The following ADAMTS19 variants were observed in gnomAD, a reference collection of about 807,000 sequenced individuals.
The protein encoded by ADAMTS19 is ADAM metallopeptidase with thrombospondin type 1 motif 19, also known as A disintegrin and metalloproteinase with thrombospondin motifs 19.
ADAMTS19 carries 93 observed loss-of-function variants against 153.3 expected under a neutral mutation model. That is an observed-to-expected ratio of 0.61 (90% CI 0.51 to 0.72). The LOEUF is 0.72. Among genes scored for constraint, ADAMTS19 ranks in the 30% least tolerant of loss-of-function variants. The pLI, the probability that ADAMTS19 is intolerant of heterozygous loss-of-function variation, is 0.00. For synonymous variants in ADAMTS19, 600 were observed against 556.6 expected, an observed-to-expected ratio of 1.08 and a Z score of -1.10; for missense variants, 1,482 against 1,552.1, an observed-to-expected ratio of 0.95 and a Z score of 0.76.
chr5:129,496,515 C>G (rs1386318708), intron 2 of ADAMTS19, among the ~76,000 whole-genome samples: 1 of 152,048 alleles, frequency 6.6e-6, no homozygotes, highest in East Asian at 1.9e-4. Flanking sequence ...CTCCACTAAT[C>G]TTGTTTCCAT....
At chr5:129,614,355 T>A (rs1475244574) in intron 8 of ADAMTS19, among the ~76,000 whole-genome samples, 3 of 152,112 alleles carry the variant, frequency 2.0e-5, no homozygotes, top group Non-Finnish European at 4.4e-5. Context: ...GTGGGCTTCA[T>A]CCCTGGGATG....
At position 129,549,844 on chromosome 5, in the gene ADAMTS19, ATATATACATATACAT is replaced by A. The variant is rs1298014674; in HGVS notation, c.1329-2019_1329-2005del. ...TATCCGTATATGTATATATGTATCTATATATACATATACATGTATCCGTATATGTATATATGTATC... is the reference window on the plus strand; with the variant it reads ...TATCCGTATATGTATATATGTATCTAGTATCCGTATATGTATATATGTATC... On this transcript the variant is annotated intron_variant, in intron 6 of 22. Coordinates refer to ENST00000274487, the MANE Select transcript of ADAMTS19 (RefSeq NM_133638.6). Among the ~76,000 whole-genome samples, 95 of 131,788 alleles carry A rather than the reference ATATATACATATACAT, an allele frequency of 7.2e-4. 2 individuals carry two copies. Among genetic ancestry groups the A allele is most frequent in the African/African-American group, 1.2e-3 (37 of 31,834 alleles). The allele number at this position is 131,788 out of a possible 152,430, so 86.5% of individuals were successfully genotyped here. A position where few individuals can be genotyped will look rare whatever the true frequency, so the allele number is the denominator to read the frequency against.
chr5:129,685,783 G>A (rs974977487), intron 18 of ADAMTS19, among the ~76,000 whole-genome samples: 2 of 152,156 alleles, frequency 1.3e-5, no homozygotes, highest in African/African-American at 2.4e-5. Flanking sequence ...GTTTGCCAAT[G>A]TGCATTTTTA....
At chr5:129,696,613 G>A (rs1429849469) in intron 19 of ADAMTS19, among the ~76,000 whole-genome samples, 1 of 152,144 alleles carries the variant, frequency 6.6e-6, no homozygotes, top group Non-Finnish European at 1.5e-5. Flanking sequence ...TTTGCTGAAG[G>A]TGACTGGGTT....
At chr5:129,602,571 G>C (rs542941429) in intron 8 of ADAMTS19, among the ~76,000 whole-genome samples, 48 of 152,144 alleles carry the variant, frequency 3.2e-4, no homozygotes, top group African/African-American at 1.1e-3. Context: ...TTACAGATGA[G>C]AAAATAAACT....
chr5:129,669,822 T>C (rs1754222929), intron 16 of ADAMTS19, among the ~76,000 whole-genome samples: 1 of 152,166 alleles, frequency 6.6e-6, no homozygotes, highest in Non-Finnish European at 1.5e-5. Flanking sequence ...GTGATTTTTT[T>C]TTCATTGTTG....
At position 129,641,950 on chromosome 5, in the gene ADAMTS19, A is replaced by G; in HGVS notation, c.1862A>G (p.Asp621Gly). ...LDPPMDGTDCDLGKWCKAGEC... is the reference protein window; with the variant it reads ...LDPPMDGTDCGLGKWCKAGEC... ...CCACCAATGGATGGAACTGACTGTGACCTTGGTAAGGTAAGTCATTTGTGT... is the reference window on the plus strand; with the variant it reads ...CCACCAATGGATGGAACTGACTGTGGCCTTGGTAAGGTAAGTCATTTGTGT... The change falls in exon 11 of 23, where the codon GAC (aspartate) becomes GGC (glycine). Residue 621 changes from aspartate to glycine, a missense_variant. Asp to Gly is a moderately conservative substitution (Grantham distance 94). This residue lies in a region of ADAMTS19 where 866 missense variants were observed against 827.7 expected (regional missense o/e 1.05). Coordinates refer to ENST00000274487, the MANE Select transcript of ADAMTS19 (RefSeq NM_133638.6). 1 of 1,591,054 alleles carries G rather than the reference A, an allele frequency of 6.3e-7. No individual in the cohort carries two copies. Among genetic ancestry groups the G allele is most frequent in the Non-Finnish European group, 8.6e-7 (1 of 1,165,822 alleles).
At position 129,538,717 on chromosome 5, in the gene ADAMTS19, C is replaced by T. The variant is rs760027356; in HGVS notation, c.1328+10040C>T. On this transcript the variant is annotated intron_variant, in intron 6 of 22. Coordinates refer to ENST00000274487, the MANE Select transcript of ADAMTS19 (RefSeq NM_133638.6). Reference sequence around the variant, plus strand: ...TATGTTGTTGAAGTCATCTTACATACTGTTTTATAATCCATATTTTCCCTT... The same window carrying T: ...TATGTTGTTGAAGTCATCTTACATATTGTTTTATAATCCATATTTTCCCTT... 5.6e-4 allele frequency among the ~76,000 whole-genome samples: 85 copies of T among 152,198 alleles called. No homozygotes were observed. The Middle Eastern group carries it at 0.014, about 24-fold the overall frequency.
At chr5:129,529,621 C>T (rs970260547) in intron 6 of ADAMTS19, among the ~76,000 whole-genome samples, 5 of 152,174 alleles carry the variant, frequency 3.3e-5, no homozygotes, top group African/African-American at 4.8e-5. Context: ...ATGCAAACAT[C>T]GCAGTCAACC....
rs954719521 is a variant in ADAMTS19 at position 129,587,991 on chromosome 5, T to C, written c.1373-8568T>C. On this transcript the variant is annotated intron_variant, in intron 7 of 22. Transcript: ENST00000274487. Reference sequence around the variant, plus strand: ...TTTAGGATTTAAAAACTTCTAGTCTTTTTTGTTTCTATAGTTCACTGATGC... The same window carrying C: ...TTTAGGATTTAAAAACTTCTAGTCTCTTTTGTTTCTATAGTTCACTGATGC... Among the ~76,000 whole-genome samples, 5 of 144,134 alleles carry C rather than the reference T, an allele frequency of 3.5e-5. No homozygotes were observed. The East Asian group carries it at 9.6e-4, about 28-fold the overall frequency. The allele number at this position is 144,134 out of a possible 152,430, so 94.6% of individuals were successfully genotyped here. A position where few individuals can be genotyped will look rare whatever the true frequency, so the allele number is the denominator to read the frequency against.
At position 129,624,004 on chromosome 5, in the gene ADAMTS19, G is replaced by A. The variant is rs559087207; in HGVS notation, c.1770+1656G>A. On this transcript the variant is annotated intron_variant, in intron 10 of 22. Transcript: ENST00000274487. ...TAGCTGGGCATGGTGGCGGGCACCT[G>A]TAGTCCCAGCTACTCAGGAGGCTGA... Among the ~76,000 whole-genome samples, 40 of 151,456 alleles carry A rather than the reference G, an allele frequency of 2.6e-4. No homozygotes were observed. The South Asian group carries it at 4.6e-3, about 17-fold the overall frequency.
intron 17 of ADAMTS19, among the ~76,000 whole-genome samples, chr5:129,683,301 T>C (rs888534083): frequency 2.8e-4 from 43 of 152,078 alleles, no homozygotes; most frequent in African/African-American, 1.0e-3. Context: ...AGCCTGGCAC[T>C]GGGAACCAGT....
chr5:129,512,433 T>A (rs1751472178), intron 3 of ADAMTS19, among the ~76,000 whole-genome samples: 1 of 152,102 alleles, frequency 6.6e-6, no homozygotes, highest in South Asian at 2.1e-4. Context: ...TGCATTTGGA[T>A]ACAACATGGT....
intron 8 of ADAMTS19, among the ~76,000 whole-genome samples, chr5:129,606,957 G>A (rs182499803): frequency 1.6e-3 from 250 of 151,966 alleles, no homozygotes; most frequent in Non-Finnish European, 2.2e-3. Context: ...TCACTCTGTT[G>A]CCCAGACTGG....
intron 3 of ADAMTS19, among the ~76,000 whole-genome samples, chr5:129,518,234 C>T (rs752007347): frequency 2.6e-5 from 4 of 152,092 alleles, no homozygotes; most frequent in Non-Finnish European, 5.9e-5. Context: ...AGTTTGCACA[C>T]CACAGTAACA....
intron 21 of ADAMTS19, among the ~76,000 whole-genome samples, chr5:129,731,155 C>T (rs1757427035): frequency 6.6e-6 from 1 of 151,900 alleles, no homozygotes; most frequent in Non-Finnish European, 1.5e-5. Flanking sequence ...GATGGGGTTT[C>T]GCCATGTTGG....
At chr5:129,551,084 A>T (rs1331778367) in intron 6 of ADAMTS19, among the ~76,000 whole-genome samples, 1 of 151,712 alleles carries the variant, frequency 6.6e-6, no homozygotes, top group South Asian at 2.1e-4. Context: ...TAGGTGGTAG[A>T]TATTATTACT....
intron 2 of ADAMTS19, among the ~76,000 whole-genome samples, chr5:129,472,524 T>C (rs1441954782): frequency 2.0e-5 from 3 of 152,166 alleles, no homozygotes; most frequent in Non-Finnish European, 2.9e-5. Flanking sequence ...GGATTTAAAA[T>C]TATTAATCAA....
At chr5:129,601,291 T>C (rs1175259373) in intron 8 of ADAMTS19, among the ~76,000 whole-genome samples, 1 of 152,204 alleles carries the variant, frequency 6.6e-6, no homozygotes, top group African/African-American at 2.4e-5. Flanking sequence ...TGTGATGAAG[T>C]CTAAAACTTT....
Sources: allele counts gnomAD v4.1 joint callset (sites outside exome capture counted in the v4.1 genomes callset), GRCh38; gene constraint gnomAD v4.1.1; regional missense constraint gnomAD v4.1.1; transcripts MANE v1.5; gene names NCBI Gene and HGNC (gene_info 2026-07-23, HGNC 2026-07-21).